The following DYRK4 variants were observed in gnomAD, a reference collection of about 807,000 sequenced individuals.
The protein encoded by DYRK4 is dual specificity tyrosine phosphorylation regulated kinase 4.
DYRK4 carries 64 observed loss-of-function variants against 68.3 expected under a neutral mutation model. The ratio of observed to expected loss-of-function variants is 0.94; its 90% CI spans 0.77 to 1.15. The LOEUF is 1.15. Ranked by LOEUF, DYRK4 falls within the 50% of genes most tolerant of loss-of-function variation. The pLI is 0.00. For missense variants in DYRK4, 740 were observed against 764.7 expected (o/e 0.97, Z 0.38); for synonymous variants, 274 against 289.9 (o/e 0.95, Z 0.56).
At chr12:4,609,631 G>GA (rs1472405773) in intron 12 of DYRK4, among the ~76,000 whole-genome samples, 7 of 152,118 alleles carry the variant, frequency 4.6e-5, no homozygotes, top group Non-Finnish European at 7.4e-5. Context: ...GCCAGAGTGA[G>GA]AAAAAACAAT....
chr12:4,578,807 G>T (rs550793583), intron 2 of DYRK4, among the ~76,000 whole-genome samples: 1 of 152,292 alleles, frequency 6.6e-6, no homozygotes, highest in South Asian at 2.1e-4. Context: ...GTCAAAATCT[G>T]TCTGACTCTG....
At chr12:4,606,648 C>A (rs549421347) in intron 11 of DYRK4, among the ~76,000 whole-genome samples, 1 of 152,100 alleles carries the variant, frequency 6.6e-6, no homozygotes, top group South Asian at 2.1e-4. Flanking sequence ...ATCCCCAGAC[C>A]ACTCCTGCTT....
At chr12:4,598,475 C>T (rs1397114974) in intron 8 of DYRK4, among the ~76,000 whole-genome samples, 1 of 152,204 alleles carries the variant, frequency 6.6e-6, no homozygotes, top group Non-Finnish European at 1.5e-5. Flanking sequence ...AGGCTTCTGC[C>T]ACCCTAGAGA....
chr12:4,613,651 G>C lies in DYRK4; in HGVS notation c.1803G>C (p.Lys601Asn), dbSNP rs1005525503. ...VQLPQLVDAP[K>N]KSEAAVGAEV... Reference sequence around the variant, plus strand: ...TGCCTCAACTGGTAGACGCTCCCAAGAAGTCAGAGGCAGCTGTCGGGGCGG... The same window carrying C: ...TGCCTCAACTGGTAGACGCTCCCAACAAGTCAGAGGCAGCTGTCGGGGCGG... Residue 601 changes from lysine (K) to asparagine (N), a missense_variant, in exon 15 of 15, where the codon AAG (lysine) becomes AAC (asparagine). Physicochemically the swap from Lys to Asn is moderately conservative, Grantham distance 94. Transcript: ENST00000543431. This position sits in a 1 kb window ranked among gnomAD's most constrained non-coding sequence, Gnocchi z 4.0. 2 of 1,613,822 alleles carry C rather than the reference G, an allele frequency of 1.2e-6. No individual in the cohort carries two copies. The highest frequency in any genetic ancestry group is 2.2e-5 in the South Asian group (2 of 91,074).
At chr12:4,593,193 T>C (rs1432430289) in intron 6 of DYRK4, 28 bp downstream of exon 6, 3 of 1,610,066 alleles carry the variant, frequency 1.9e-6, no homozygotes, top group South Asian at 1.1e-5. Flanking sequence ...CATGGGAACC[T>C]GCAGGGGCCC....
At chr12:4,598,922 CCT>C in intron 8 of DYRK4, 104 bp from the exon 9 acceptor site, 1 of 1,327,088 alleles carries the variant, frequency 7.5e-7, no homozygotes. Flanking sequence ...CTGAGGCTTG[CCT>C]GCTACTAGAC....
chr12:4,607,968 C>G (rs1945173383), intron 12 of DYRK4, among the ~76,000 whole-genome samples: 1 of 152,152 alleles, frequency 6.6e-6, no homozygotes, highest in African/African-American at 2.4e-5. Context: ...GTCCACAGTC[C>G]AGGCTGCCCC....
chr12:4,607,488 C>T, intron 12 of DYRK4, 101 bp downstream of exon 12: 1 of 1,309,682 alleles, frequency 7.6e-7, no homozygotes, highest in Admixed American at 1.8e-5. Context: ...TACCAAAGGG[C>T]TGTGATTAAG....
At chr12:4,601,517 A>G (rs796361709) in intron 10 of DYRK4, among the ~76,000 whole-genome samples, 20 of 152,326 alleles carry the variant, frequency 1.3e-4, no homozygotes, top group African/African-American at 4.8e-4. Flanking sequence ...GAAAAGAGAG[A>G]TTTAAATGTA....
intron 11 of DYRK4, 73 bp downstream of exon 11, chr12:4,605,159 C>A: frequency 7.1e-7 from 1 of 1,401,670 alleles, no homozygotes; most frequent in Non-Finnish European, 9.9e-7. Flanking sequence ...CTGCACCAGA[C>A]TCGCCCAGGA....
chr12:4,598,259 T>C (rs1012382), intron 8 of DYRK4, among the ~76,000 whole-genome samples: 149,155 of 152,268 alleles, frequency 0.98, 73,140 homozygotes, highest in Middle Eastern at 1. Context: ...CAAAGCTAGA[T>C]GATCTTAGAA....
chr12:4,591,029 T>C lies in DYRK4; in HGVS notation c.325-131T>C, dbSNP rs61909641. On this transcript the variant is annotated intron_variant, in intron 4 of 14. Coordinates refer to ENST00000543431, the MANE Select transcript of DYRK4 (RefSeq NM_001394779.1). The surrounding 1 kb of genome is among the most constrained non-coding windows in gnomAD (Gnocchi z 4.1). ...GTAGGGAGAACCTTCTGTCTCTTAA[T>C]CGCTGTTTTCTCCCTGGAGAGGTAG... 29,299 of 1,059,834 alleles carry C rather than the reference T, an allele frequency of 0.028. 500 individuals carry two copies. The highest frequency in any genetic ancestry group is 0.032 in the Non-Finnish European group (23,663 of 742,458). 65.7% of individuals were successfully genotyped at this position (1,059,834 alleles called of 1,614,324 possible).
intron 2 of DYRK4, among the ~76,000 whole-genome samples, chr12:4,583,094 C>A (rs1036656092): frequency 5.9e-5 from 9 of 152,050 alleles, no homozygotes; most frequent in African/African-American, 1.9e-4. Flanking sequence ...CATAATTATG[C>A]CACTCACAGT....
At chr12:4,600,663 C>T (rs766103613) in intron 10 of DYRK4, among the ~76,000 whole-genome samples, 2 of 150,618 alleles carry the variant, frequency 1.3e-5, no homozygotes, top group African/African-American at 2.5e-5. Flanking sequence ...TAATAAAAGA[C>T]ACAGATGAAG....
Position 4,565,603 on chromosome 12 carries a change from G to C in DYRK4, c.39-2352G>C, listed in dbSNP as rs1591781280. On this transcript the variant is annotated intron_variant, in intron 1 of 14. Transcript: ENST00000543431. ...GAGCTGAACAGAGGAAAGGGCTCCAGCTGTTTGGAAGATTTCACATTTACT... is the reference window on the plus strand; with the variant it reads ...GAGCTGAACAGAGGAAAGGGCTCCACCTGTTTGGAAGATTTCACATTTACT... Among the ~76,000 whole-genome samples the C allele has an allele frequency of 2.0e-5, 3 of 151,526 alleles. No individual in the cohort carries two copies. The South Asian group carries it at 6.3e-4, about 32-fold the overall frequency.
intron 10 of DYRK4, among the ~76,000 whole-genome samples, chr12:4,601,617 A>T (rs1297348054): frequency 6.6e-6 from 1 of 152,226 alleles, no homozygotes; most frequent in Admixed American, 6.5e-5. Flanking sequence ...TATAAAGAAG[A>T]TATAAAAGGA....
At chr12:4,573,287 T>A (rs1247796512) in intron 2 of DYRK4, 1 of 1,287,652 alleles carries the variant, frequency 7.8e-7, no homozygotes, top group Non-Finnish European at 1.0e-6. Flanking sequence ...GGATTTGGGG[T>A]CCTGAAGGAG....
intron 3 of DYRK4, chr12:4,590,059 G>A: frequency 9.9e-7 from 1 of 1,006,726 alleles, no homozygotes; most frequent in Non-Finnish European, 1.2e-6. Flanking sequence ...TGAAATAATT[G>A]AGGTTTCGAG....
intron 2 of DYRK4, chr12:4,580,864 G>A (rs1355686335): frequency 1.8e-5 from 8 of 455,732 alleles, no homozygotes; most frequent in South Asian, 4.6e-5. Flanking sequence ...CAGGAAAATC[G>A]CCTGTGAAGT....
Sources: allele counts gnomAD v4.1 joint callset (sites outside exome capture counted in the v4.1 genomes callset), GRCh38; gene constraint gnomAD v4.1.1; non-coding constraint Gnocchi (gnomAD v3.1); transcripts MANE v1.5; gene names NCBI Gene and HGNC (gene_info 2026-07-23, HGNC 2026-07-21).